Variants in LAMA2 observed in about 807,000 individuals in gnomAD.
LAMA2 encodes the protein laminin subunit alpha-2.
Under a neutral mutation model 364.8 loss-of-function variants are expected in LAMA2, and 269 were observed. The ratio of observed to expected loss-of-function variants is 0.74; its 90% CI spans 0.67 to 0.82. The LOEUF is 0.82. Among genes scored for constraint, LAMA2 ranks in the 40% least tolerant of loss-of-function variants. The probability of loss-of-function intolerance (pLI) is 0.00; values close to 1 mark genes in which losing one functional copy is unlikely to be tolerated. For missense variants in LAMA2, 3,807 were observed against 3,873.2 expected (o/e 0.98, Z 0.45); for synonymous variants, 1,379 against 1,370.6 (o/e 1.01, Z -0.14).
At chr6:129,229,962 A>G (rs1416511128) in intron 12 of LAMA2, among the ~76,000 whole-genome samples, 17 of 152,202 alleles carry the variant, frequency 1.1e-4, no homozygotes, top group Non-Finnish European at 5.9e-5. Flanking sequence ...GCTAGTATAC[A>G]AGTCTGAAGT....
intron 12 of LAMA2, among the ~76,000 whole-genome samples, chr6:129,240,186 TC>T (rs1785303552): frequency 6.6e-6 from 1 of 152,164 alleles, no homozygotes; most frequent in Non-Finnish European, 1.5e-5. Context: ...CCTTCCACGT[TC>T]TCCTGCCTGC....
At chr6:129,501,678 T>A (rs1004927698) in intron 58 of LAMA2, among the ~76,000 whole-genome samples, 18 of 152,200 alleles carry the variant, frequency 1.2e-4, no homozygotes, top group Non-Finnish European at 2.4e-4. Context: ...TAAGTGCAGA[T>A]CTTAAAAACA....
At chr6:129,510,307 A>AT in intron 62 of LAMA2, among the ~76,000 whole-genome samples, 1 of 152,320 alleles carries the variant, frequency 6.6e-6, no homozygotes, top group Middle Eastern at 3.4e-3. Context: ...ACATTTCTAT[A>AT]TGCCAACAGC....
At chr6:129,481,085 A>G (rs1583850878) in intron 54 of LAMA2, among the ~76,000 whole-genome samples, 178 bp from the exon 55 acceptor site, 1 of 152,240 alleles carries the variant, frequency 6.6e-6, no homozygotes, top group Non-Finnish European at 1.5e-5. Context: ...TGAAGTTATC[A>G]TATAACTAGA....
At chr6:129,071,276 G>A (rs1283890320) in intron 3 of LAMA2, among the ~76,000 whole-genome samples, 1 of 151,906 alleles carries the variant, frequency 6.6e-6, no homozygotes, top group African/African-American at 2.4e-5. Flanking sequence ...TTTTATTCCA[G>A]ATATTGTTGT....
intron 22 of LAMA2, among the ~76,000 whole-genome samples, chr6:129,302,098 G>A (rs1773587098): frequency 6.6e-6 from 1 of 152,094 alleles, no homozygotes; most frequent in Non-Finnish European, 1.5e-5. Context: ...TTACAATTTT[G>A]CTGTGAACAT....
chr6:129,011,664 C>T (rs1484616598), intron 1 of LAMA2, among the ~76,000 whole-genome samples: 1 of 152,314 alleles, frequency 6.6e-6, no homozygotes, highest in South Asian at 2.1e-4. Flanking sequence ...CCAGAGATTA[C>T]TCTTAAAATA....
intron 9 of LAMA2, among the ~76,000 whole-genome samples, chr6:129,170,402 G>C (rs1414869057): frequency 7.0e-6 from 1 of 141,982 alleles, no homozygotes; most frequent in African/African-American, 3.0e-5. Flanking sequence ...CTTTATTTCT[G>C]CCTTCATTTC....
chr6:129,064,309 G>A (rs1435375609), intron 3 of LAMA2, among the ~76,000 whole-genome samples: 11 of 148,382 alleles, frequency 7.4e-5, no homozygotes, highest in African/African-American at 2.7e-4. Flanking sequence ...AAATACCTAC[G>A]TCAAAAAGAA....
In LAMA2 at chr6:129,464,322, A is replaced by G; in HGVS notation, c.7025A>G (p.Gln2342Arg). 1.9e-6 allele frequency: 3 copies of G among 1,612,192 alleles called. No individual in the cohort carries two copies. In the South Asian group the frequency reaches 3.3e-5, roughly 18 times the overall value. The change falls in exon 50 of 65, where the codon CAA becomes CGA. Residue 2342 changes from glutamine to arginine, a missense_variant. Gln to Arg is a conservative substitution (Grantham distance 43). This residue lies in a region of LAMA2 where 3,333 missense variants were observed against 3,345.7 expected (regional missense o/e 1.00). Coordinates refer to ENST00000421865, the MANE Select transcript of LAMA2 (RefSeq NM_000426.4). Reference sequence around the variant, plus strand: ...GTGGAAGATAGTGAGGGGACTATTCAATTTGATGGAGAAGGTTATGCATTG... The same window carrying G: ...GTGGAAGATAGTGAGGGGACTATTCGATTTGATGGAGAAGGTTATGCATTG... ...PQVEDSEGTI[Q>R]FDGEGYALVS...
intron 12 of LAMA2, among the ~76,000 whole-genome samples, chr6:129,199,616 G>A (rs774037984): frequency 2.4e-4 from 37 of 152,074 alleles, no homozygotes; most frequent in Admixed American, 3.9e-4. Context: ...TAATCAGTGA[G>A]TCAATAAGGA....
At chr6:129,041,091 T>C (rs1053223094) in intron 1 of LAMA2, among the ~76,000 whole-genome samples, 4 of 152,222 alleles carry the variant, frequency 2.6e-5, no homozygotes, top group African/African-American at 9.6e-5. Context: ...GTTTCTTCAT[T>C]TGTAAAATTC....
intron 33 of LAMA2, among the ~76,000 whole-genome samples, chr6:129,367,703 G>T (rs1777853069): frequency 6.6e-6 from 1 of 152,126 alleles, no homozygotes; most frequent in Non-Finnish European, 1.5e-5. Context: ...TTTTCCAGAA[G>T]AAGAAACCAA....
intron 45 of LAMA2, among the ~76,000 whole-genome samples, chr6:129,449,985 T>C (rs971794507): frequency 1.3e-5 from 2 of 151,884 alleles, no homozygotes; most frequent in African/African-American, 2.4e-5. Flanking sequence ...TTTGTATTTT[T>C]AGTTGATACA....
intron 30 of LAMA2, among the ~76,000 whole-genome samples, chr6:129,345,395 C>G (rs1470771924): frequency 6.6e-6 from 1 of 152,030 alleles, no homozygotes; most frequent in Non-Finnish European, 1.5e-5. Flanking sequence ...TTTTGACCAT[C>G]AATAATGAAA....
chr6:129,397,052 G>T (rs1779694093), intron 37 of LAMA2, among the ~76,000 whole-genome samples: 1 of 151,384 alleles, frequency 6.6e-6, no homozygotes, highest in South Asian at 2.1e-4. Context: ...GATAGCTTTT[G>T]CAGGTTCCTG....
chr6:128,925,250 G>A (rs569666727), intron 1 of LAMA2, among the ~76,000 whole-genome samples: 1 of 152,230 alleles, frequency 6.6e-6, no homozygotes, highest in East Asian at 1.9e-4. Flanking sequence ...ATGGCCAAAA[G>A]GTGGGAGAAA....
chr6:129,126,527 T>C (rs1425722874), intron 4 of LAMA2, among the ~76,000 whole-genome samples: 1 of 151,178 alleles, frequency 6.6e-6, no homozygotes, highest in African/African-American at 2.5e-5. Flanking sequence ...TCTCAATGTG[T>C]ACAATTCTAC....
Position 129,324,296 on chromosome 6 carries a change from G to C in LAMA2, c.4176+3641G>C, listed in dbSNP as rs75718935. 3.0e-3 allele frequency among the ~76,000 whole-genome samples: 452 copies of C among 152,238 alleles called. 4 individuals carry two copies. Among genetic ancestry groups the C allele is most frequent in the African/African-American group, 0.011 (439 of 41,522 alleles). On this transcript the variant is annotated intron_variant, in intron 28 of 64. Coordinates refer to ENST00000421865, the MANE Select transcript of LAMA2 (RefSeq NM_000426.4). ...CATGCTTTATCTCAAGTAATCCTCAGATCCACCCTATGAAAAGCAGAACCT... is the reference window on the plus strand; with the variant it reads ...CATGCTTTATCTCAAGTAATCCTCACATCCACCCTATGAAAAGCAGAACCT...
Sources: allele counts gnomAD v4.1 joint callset (sites outside exome capture counted in the v4.1 genomes callset), GRCh38; gene constraint gnomAD v4.1.1; regional missense constraint gnomAD v4.1.1; transcripts MANE v1.5; gene names NCBI Gene and HGNC (gene_info 2026-07-23, HGNC 2026-07-21).